The following KCTD16 variants were observed in gnomAD, a reference collection of about 807,000 sequenced individuals.
The protein encoded by KCTD16 is BTB/POZ domain-containing protein KCTD16.
KCTD16 carries 13 observed loss-of-function variants against 33.2 expected under a neutral mutation model. The ratio of observed to expected loss-of-function variants is 0.39; its 90% CI spans 0.25 to 0.62. KCTD16 has a LOEUF of 0.62. Among genes scored for constraint, KCTD16 ranks in the 20% least tolerant of loss-of-function variants. KCTD16 has a pLI of 0.50. For missense variants in KCTD16, 441 were observed against 525.1 expected, an observed-to-expected ratio of 0.84 and a Z score of 1.57; for synonymous variants, 197 against 195.3, an observed-to-expected ratio of 1.01 and a Z score of -0.07.
intron 2 of KCTD16, among the ~76,000 whole-genome samples, chr5:144,197,570 A>T (rs1402112934): frequency 3.3e-5 from 5 of 152,142 alleles, no homozygotes; most frequent in African/African-American, 1.2e-4. Context: ...CTGGCACTGA[A>T]CTGCGATTGG....
Position 144,206,591 on chromosome 5 carries a change from G to A in KCTD16, c.-124G>A. 1.3e-6 allele frequency: 1 copy of A among 783,544 alleles called. No individual in the cohort carries two copies. Among genetic ancestry groups the A allele is most frequent in the Non-Finnish European group, 2.1e-6 (1 of 487,418 alleles). 48.5% of individuals were successfully genotyped at this position (783,544 alleles called of 1,614,324 possible). On this transcript the variant is annotated 5_prime_UTR_variant, in exon 3 of 4. Transcript: ENST00000512467. ...TTGGGGGAAAAATACTGGGATAAGAGGAGGTCATTTTTTAATAAGTTAGCA... is the reference window on the plus strand; with the variant it reads ...TTGGGGGAAAAATACTGGGATAAGAAGAGGTCATTTTTTAATAAGTTAGCA...
intron 3 of KCTD16, among the ~76,000 whole-genome samples, chr5:144,436,728 C>T (rs548370928): frequency 6.6e-6 from 1 of 151,842 alleles, no homozygotes; most frequent in African/African-American, 2.4e-5. Context: ...GCTGGGATTA[C>T]AGGAGCATGC....
rs1194215644 is a variant in KCTD16 at position 144,206,668 on chromosome 5, T to G, written c.-47T>G. On this transcript the variant is annotated 5_prime_UTR_variant, in exon 3 of 4. It adds an upstream start codon to the 5' untranslated region. Transcript: ENST00000512467. ...CCAAAGGATAAGGCTGTGACTCCAT[T>G]GGATTGCACCTTTAAATCAAAATAG... 2 of 1,500,612 alleles carry G rather than the reference T, an allele frequency of 1.3e-6. No individual in the cohort carries two copies. Among genetic ancestry groups the G allele is most frequent in the Non-Finnish European group, 1.8e-6 (2 of 1,095,350 alleles). The allele number at this position is 1,500,612 out of a possible 1,614,324, so 93.0% of individuals were successfully genotyped here.
chr5:144,417,847 G>T (rs77822126), intron 3 of KCTD16, among the ~76,000 whole-genome samples: 1,994 of 152,224 alleles, frequency 0.013, 39 homozygotes, highest in African/African-American at 0.045. Context: ...ATTTGTTGAA[G>T]ATGTGTCTGG....
intron 3 of KCTD16, among the ~76,000 whole-genome samples, chr5:144,243,132 G>T (rs1210805347): frequency 1.3e-5 from 2 of 152,166 alleles, no homozygotes; most frequent in African/African-American, 4.8e-5. Context: ...GAAGACCATA[G>T]ATGTAAAGTG....
chr5:144,394,580 G>A (rs1447398974), intron 3 of KCTD16, among the ~76,000 whole-genome samples: 2 of 152,144 alleles, frequency 1.3e-5, no homozygotes, highest in African/African-American at 4.8e-5. Flanking sequence ...ATCTTGAATT[G>A]TAATCCCCAT....
intron 1 of KCTD16, among the ~76,000 whole-genome samples, chr5:144,173,013 G>A (rs1336379703): frequency 6.6e-6 from 1 of 152,206 alleles, no homozygotes; most frequent in Non-Finnish European, 1.5e-5. Flanking sequence ...AAAAAGGAAT[G>A]CGTATACACT....
intron 3 of KCTD16, among the ~76,000 whole-genome samples, chr5:144,437,098 A>G (rs541927549): frequency 2.6e-4 from 39 of 152,268 alleles, no homozygotes; most frequent in Admixed American, 2.0e-3. Flanking sequence ...ACAGGCAGGA[A>G]TTCAGGTCCT....
chr5:144,463,796 G>A (rs1754257586), intron 3 of KCTD16, among the ~76,000 whole-genome samples: 1 of 152,108 alleles, frequency 6.6e-6, no homozygotes, highest in African/African-American at 2.4e-5. Flanking sequence ...GCCTCTGTAA[G>A]GAAAGTGCTT....
intron 2 of KCTD16, among the ~76,000 whole-genome samples, chr5:144,197,451 A>G (rs999649090): frequency 4.6e-5 from 7 of 152,214 alleles, no homozygotes; most frequent in African/African-American, 7.2e-5. Flanking sequence ...ATCCAGATGA[A>G]ACTTCTGGAT....
chr5:144,392,866 T>C (rs547489710), intron 3 of KCTD16, among the ~76,000 whole-genome samples: 1 of 152,308 alleles, frequency 6.6e-6, no homozygotes, highest in Admixed American at 6.5e-5. Flanking sequence ...CCTGAGTGGC[T>C]ATGATGAACA....
intron 3 of KCTD16, among the ~76,000 whole-genome samples, chr5:144,213,443 T>C (rs550767252): frequency 6.6e-6 from 1 of 151,994 alleles, no homozygotes; most frequent in Non-Finnish European, 1.5e-5. Context: ...TTCTCCTCTT[T>C]TTTACAACTT....
At chr5:144,258,396 T>C (rs1754910494) in intron 3 of KCTD16, among the ~76,000 whole-genome samples, 1 of 152,196 alleles carries the variant, frequency 6.6e-6, no homozygotes. Context: ...CAAGTTAGTC[T>C]AAATGTACCT....
rs1369863343 is a variant in KCTD16, at chr5:144,207,285, C to T, written c.571C>T (p.Arg191Trp). The T allele has an allele frequency of 4.3e-6, 7 of 1,614,022 alleles. No individual in the cohort carries two copies. The highest frequency in any genetic ancestry group is 1.7e-5 in the Admixed American group (1 of 60,002). Residue 191 changes from arginine (R) to tryptophan (W), a missense_variant, in exon 3 of 4, where the codon CGG becomes TGG. This residue lies in a region of KCTD16 where 355 missense variants were observed against 413.0 expected (regional missense o/e 0.86). Transcript: ENST00000512467. ...QADAKFRRVP[R>W]ILVCGRISLA... ...AGATGCCAAGTTTCGGAGAGTTCCCCGGATTTTGGTTTGTGGAAGGATTTC... is the reference window on the plus strand; with the variant it reads ...AGATGCCAAGTTTCGGAGAGTTCCCTGGATTTTGGTTTGTGGAAGGATTTC...
intron 3 of KCTD16, among the ~76,000 whole-genome samples, chr5:144,348,882 C>G (rs1325912082): frequency 1.3e-5 from 2 of 152,098 alleles, no homozygotes; most frequent in African/African-American, 2.4e-5. Flanking sequence ...ACCTACCAGC[C>G]CCACTATCTC....
intron 3 of KCTD16, among the ~76,000 whole-genome samples, chr5:144,329,336 T>G (rs1752292327): frequency 6.6e-6 from 1 of 152,208 alleles, no homozygotes; most frequent in Non-Finnish European, 1.5e-5. Context: ...TGATAGGATT[T>G]ATGACCCCAG....
chr5:144,180,574 G>A (rs1444783932), intron 2 of KCTD16, among the ~76,000 whole-genome samples: 1 of 152,172 alleles, frequency 6.6e-6, no homozygotes, highest in Non-Finnish European at 1.5e-5. Context: ...GCTTGTTGGG[G>A]GTAGCTCATC....
intron 3 of KCTD16, among the ~76,000 whole-genome samples, chr5:144,211,906 T>A (rs1191602536): frequency 6.6e-6 from 1 of 152,146 alleles, no homozygotes; most frequent in East Asian, 1.9e-4. Context: ...TGCTCTCCAG[T>A]TCTTTCTCCC....
Position 144,420,158 on chromosome 5 carries a change from G to A in KCTD16, c.833-53502G>A, listed in dbSNP as rs189022128. Among the ~76,000 whole-genome samples the A allele has an allele frequency of 3.1e-3, 467 of 152,112 alleles. 2 individuals are homozygous for A. Among genetic ancestry groups the A allele is most frequent in the African/African-American group, 0.011 (448 of 41,506 alleles). ...GAGTGTGGAGTTCATCAATCTCAGC[G>A]TTATTTTTGGCCAGATAATGTTTTG... On this transcript the variant is annotated intron_variant, in intron 3 of 3. Transcript: ENST00000512467.
Sources: allele counts gnomAD v4.1 joint callset (sites outside exome capture counted in the v4.1 genomes callset), GRCh38; gene constraint gnomAD v4.1.1; regional missense constraint gnomAD v4.1.1; transcripts MANE v1.5; gene names NCBI Gene and HGNC (gene_info 2026-07-23, HGNC 2026-07-21).